OPN3: variants seen among roughly 807,000 people sequenced by gnomAD.
The protein encoded by OPN3 is opsin 3, also known as opsin-3.
OPN3 carries 29 observed loss-of-function variants against 33.8 expected under a neutral mutation model. That is an observed-to-expected ratio of 0.86 (90% CI 0.64 to 1.17). OPN3 has a LOEUF of 1.17. Among genes scored for constraint, OPN3 ranks in the 50% most tolerant of loss-of-function variants. The pLI is 0.00. For synonymous variants in OPN3, 216 were observed against 216.1 expected, an observed-to-expected ratio of 1.00 and a Z score of 0.00; for missense variants, 437 against 514.1, an observed-to-expected ratio of 0.85 and a Z score of 1.45.
At chr1:241,634,342 G>T in intron 1 of OPN3, 1 of 1,613,930 alleles carries the variant, frequency 6.2e-7, no homozygotes, top group Non-Finnish European at 8.5e-7. Flanking sequence ...CTATCAGAAT[G>T]GAAGTCTGCT....
chr1:241,601,765 A>G (rs1365380602), intron 2 of OPN3, among the ~76,000 whole-genome samples: 2 of 152,146 alleles, frequency 1.3e-5, no homozygotes, highest in African/African-American at 4.8e-5. Flanking sequence ...ACAAAAAAAC[A>G]TGTAAGTGGC....
At chr1:241,633,862 C>T (rs1214578002) in intron 1 of OPN3, 1 of 1,613,858 alleles carries the variant, frequency 6.2e-7, no homozygotes, top group Non-Finnish European at 8.5e-7. Flanking sequence ...CTAGTTTGGC[C>T]ATTACTACAT....
chr1:241,606,499 C>T (rs1204346810), intron 1 of OPN3, among the ~76,000 whole-genome samples: 5 of 151,284 alleles, frequency 3.3e-5, no homozygotes, highest in East Asian at 1.9e-4. Flanking sequence ...GAGCCGAGTT[C>T]GTGCCATTGC....
intron 1 of OPN3, among the ~76,000 whole-genome samples, chr1:241,618,094 G>A (rs970549087): frequency 5.3e-5 from 8 of 150,268 alleles, no homozygotes; most frequent in African/African-American, 2.0e-4. Context: ...CACAAAGTAG[G>A]TGTTAGAACA....
intron 1 of OPN3, among the ~76,000 whole-genome samples, chr1:241,614,689 A>G (rs1185072690): frequency 6.6e-6 from 1 of 152,192 alleles, no homozygotes; most frequent in Non-Finnish European, 1.5e-5. Flanking sequence ...TTTTCTGCCT[A>G]TAGTCCCATT....
chr1:241,634,864 G>A, intron 1 of OPN3: 1 of 1,609,658 alleles, frequency 6.2e-7, no homozygotes, highest in East Asian at 2.2e-5. Flanking sequence ...AACAAAATGT[G>A]AGAAATTTCA....
At chr1:241,630,281 TC>T (rs1478607990) in intron 1 of OPN3, 2 of 152,034 alleles carry the variant, frequency 1.3e-5, no homozygotes, top group African/African-American at 4.8e-5. Context: ...CTGGCATGGC[TC>T]CCATGGGAGT....
At chr1:241,605,411 G>A (rs61827776) in intron 1 of OPN3, among the ~76,000 whole-genome samples, 32,525 of 152,176 alleles carry the variant, frequency 0.21, 3,693 homozygotes, top group African/African-American at 0.28. Context: ...ATTGCTGACA[G>A]GGGTCAGGGG....
At chr1:241,639,799 G>A (rs1665044817) in intron 1 of OPN3, 83 bp downstream of exon 1, 5 of 1,284,058 alleles carry the variant, frequency 3.9e-6, no homozygotes, top group Admixed American at 3.3e-5. Flanking sequence ...GGGGCGGGCT[G>A]GGGGGCGGAC....
At chr1:241,630,273 G>A (rs1032980525) in intron 1 of OPN3, 3 of 151,950 alleles carry the variant, frequency 2.0e-5, no homozygotes, top group South Asian at 2.1e-4. Flanking sequence ...CCACTACACT[G>A]GCATGGCTCC....
chr1:241,636,966 A>T lies in OPN3; in HGVS notation c.373+2916T>A, dbSNP rs191115897. ...TTGAAGGGGAAGTTTAAAAAAAAAA[A>T]AATAATAAGGTTCTCCTGTTAACTT... On this transcript the variant is annotated intron_variant, in intron 1 of 3. Transcript: ENST00000366554. Among the ~76,000 whole-genome samples, 1,014 of 151,860 alleles carry T rather than the reference A, an allele frequency of 6.7e-3. 8 individuals carry two copies. Among genetic ancestry groups the T allele is most frequent in the African/African-American group, 0.023 (963 of 41,404 alleles).
intron 3 of OPN3, 95 bp from the exon 4 acceptor site, chr1:241,594,786 G>T: frequency 6.9e-7 from 1 of 1,456,552 alleles, no homozygotes; most frequent in South Asian, 1.4e-5. Context: ...AATTTAAGTT[G>T]TTTTTTGTTT....
At chr1:241,618,663 T>G (rs751729263) in intron 1 of OPN3, among the ~76,000 whole-genome samples, 54 of 152,124 alleles carry the variant, frequency 3.5e-4, no homozygotes, top group Non-Finnish European at 6.6e-4. Context: ...CGTGCTGACC[T>G]CCATCGTTTT....
intron 1 of OPN3, 21 bp downstream of exon 1, chr1:241,639,861 C>G (rs1287766434): frequency 1.3e-6 from 2 of 1,512,384 alleles, no homozygotes; most frequent in Non-Finnish European, 1.8e-6. Flanking sequence ...GGGGAGGCTG[C>G]CTTCTCCCAG....
At chr1:241,634,815 T>G in intron 1 of OPN3, 1 of 1,613,628 alleles carries the variant, frequency 6.2e-7, no homozygotes, top group South Asian at 1.1e-5. Flanking sequence ...GAACACTGCC[T>G]GAAAGCTTGG....
chr1:241,616,505 T>A (rs1294629563), intron 1 of OPN3, among the ~76,000 whole-genome samples: 2 of 152,162 alleles, frequency 1.3e-5, no homozygotes, highest in African/African-American at 4.8e-5. Flanking sequence ...TTTGGTACAA[T>A]TCTGTGTACT....
chr1:241,624,405 C>A (rs997627754), intron 1 of OPN3, among the ~76,000 whole-genome samples: 1 of 152,204 alleles, frequency 6.6e-6, no homozygotes, highest in Non-Finnish European at 1.5e-5. Context: ...TGTTGTTCCT[C>A]ATATCAGCCC....
chr1:241,599,728 A>G (rs1226216384), intron 2 of OPN3, among the ~76,000 whole-genome samples: 1 of 152,160 alleles, frequency 6.6e-6, no homozygotes, highest in Non-Finnish European at 1.5e-5. Flanking sequence ...TCCCAGATTA[A>G]CCACTTTTGC....
chr1:241,597,733 T>C lies in OPN3; in HGVS notation c.945+13A>G. On this transcript the variant is annotated intron_variant, in intron 3 of 3. Transcript: ENST00000366554. ...GCCCAGGGTGAAAACAATCAGTTAATTGCAAAGCTTACCTTTCTGATCATG... is the reference window on the plus strand; with the variant it reads ...GCCCAGGGTGAAAACAATCAGTTAACTGCAAAGCTTACCTTTCTGATCATG... 1 of 1,609,790 alleles carries C rather than the reference T, an allele frequency of 6.2e-7. No homozygotes were observed. Among genetic ancestry groups the C allele is most frequent in the Non-Finnish European group, 8.5e-7 (1 of 1,177,058 alleles).
Sources: allele counts gnomAD v4.1 joint callset (sites outside exome capture counted in the v4.1 genomes callset), GRCh38; gene constraint gnomAD v4.1.1; transcripts MANE v1.5; gene names NCBI Gene and HGNC (gene_info 2026-07-23, HGNC 2026-07-21).